The following ANAPC5 variants were observed in gnomAD, a reference collection of about 807,000 sequenced individuals.
The protein encoded by ANAPC5 is anaphase promoting complex subunit 5, also known as anaphase-promoting complex subunit 5.
Under a neutral mutation model 91.3 loss-of-function variants are expected in ANAPC5, and 60 were observed. That is an observed-to-expected ratio of 0.66 (90% CI 0.53 to 0.81). The LOEUF (loss-of-function observed/expected upper bound fraction) is 0.81. Ranked by LOEUF, ANAPC5 falls within the 40% of genes least tolerant of loss-of-function variation. ANAPC5 has a pLI of 0.00. For missense variants in ANAPC5, 690 were observed against 931.5 expected (o/e 0.74, Z 3.37); for synonymous variants, 340 against 364.1 (o/e 0.93, Z 0.75).
In ANAPC5 at chr12:121,318,487, A is replaced by G. The variant is rs1238592655; in HGVS notation, c.1745+14T>C. The G allele has an allele frequency of 6.2e-7, 1 of 1,613,568 alleles. No individual in the cohort carries two copies. The highest frequency in any genetic ancestry group is 1.7e-5 in the Admixed American group (1 of 59,950). The stretch of plus-strand genomic sequence containing the variant: ...ACCACCACATCTCCGTGAGATGTAC[A>G]AGAGACCCCTTACCTGATCACCATT... On this transcript the variant is annotated intron_variant, in intron 14 of 16. Coordinates refer to ENST00000261819, the MANE Select transcript of ANAPC5 (RefSeq NM_016237.5).
intron 4 of ANAPC5, among the ~76,000 whole-genome samples, chr12:121,345,070 G>A (rs988906069): frequency 2.6e-5 from 4 of 152,158 alleles, no homozygotes; most frequent in Non-Finnish European, 5.9e-5. Flanking sequence ...TAGACTCCAG[G>A]GGTAGCAGTG....
In ANAPC5 at chr12:121,320,471, A is replaced by T; in HGVS notation, c.1441-12T>A. ...GCAGCAAAACAGCCCTAAAGTAGAA[A>T]CACACAATTTGATCAGCATAACCTG... is the stretch of plus-strand genomic sequence containing the variant. On this transcript the variant is annotated splice_polypyrimidine_tract_variant and intron_variant, in intron 11 of 16. Transcript: ENST00000261819. 6.2e-7 allele frequency: 1 copy of T among 1,613,052 alleles called. No individual in the cohort carries two copies. The highest frequency in any genetic ancestry group is 1.3e-5 in the African/African-American group (1 of 75,058).
rs1258428325 is a variant in ANAPC5 at position 121,331,412 on chromosome 12, C to T, written c.967G>A (p.Ala323Thr). 1.9e-6 allele frequency: 3 copies of T among 1,609,126 alleles called. No homozygotes were observed. In the African/African-American group the frequency reaches 4.0e-5, roughly 21 times the overall value. The change falls in exon 8 of 17, where the codon GCC becomes ACC. Residue 323 changes from alanine to threonine, a missense_variant. By Grantham distance (58) the Ala-to-Thr change is moderately conservative (BLOSUM62 0). Around this residue, in one of 5 missense-constraint regions of ANAPC5, gnomAD observed 83 missense variants for 150.8 expected, o/e 0.55. Coordinates refer to ENST00000261819, the MANE Select transcript of ANAPC5 (RefSeq NM_016237.5). ...RFGHYQQAELALQEAIRIAQE... is the reference protein window; with the variant it reads ...RFGHYQQAELTLQEAIRIAQE... Reference sequence around the variant, plus strand: ...GCAATCCTAATTGCCTCCTGCAGGGCGAGCTCTGCCTGTTGACTAATGACA... The same window carrying T: ...GCAATCCTAATTGCCTCCTGCAGGGTGAGCTCTGCCTGTTGACTAATGACA...
intron 5 of ANAPC5, among the ~76,000 whole-genome samples, chr12:121,340,881 T>C (rs886887076): frequency 3.3e-5 from 5 of 151,910 alleles, no homozygotes; most frequent in African/African-American, 1.2e-4. Flanking sequence ...TGTCTAGATA[T>C]AAACATTACA....
chr12:121,353,034 CTCTG>C (rs201068408), upstream of ANAPC5, among the ~76,000 whole-genome samples: 2,861 of 152,214 alleles, frequency 0.019, 98 homozygotes, highest in African/African-American at 0.065. Context: ...AGGAGTTTAA[CTCTG>C]TCTTTTTAAA....
chr12:121,323,861 G>T (rs985807074), intron 11 of ANAPC5, among the ~76,000 whole-genome samples: 1 of 152,140 alleles, frequency 6.6e-6, no homozygotes, highest in Non-Finnish European at 1.5e-5. Context: ...CGGGCATGGG[G>T]ATATAGATCC....
intron 13 of ANAPC5, 105 bp from the exon 14 acceptor site, chr12:121,318,713 TG>T (rs1902469492): frequency 9.5e-7 from 1 of 1,052,880 alleles, no homozygotes; most frequent in Non-Finnish European, 1.4e-6. Flanking sequence ...GAAAAAACTG[TG>T]CCTGATTTAA....
At chr12:121,323,852 G>A (rs757483142) in intron 11 of ANAPC5, among the ~76,000 whole-genome samples, 18 of 152,112 alleles carry the variant, frequency 1.2e-4, no homozygotes, top group African/African-American at 3.4e-4. Flanking sequence ...ACAGGGAGTC[G>A]GGCATGGGGA....
chr12:121,350,827 G>A (rs1311963980), intron 1 of ANAPC5, among the ~76,000 whole-genome samples: 7 of 152,162 alleles, frequency 4.6e-5, no homozygotes, highest in African/African-American at 1.7e-4. Context: ...AGCTGGTGGA[G>A]GTTACCGTCT....
chr12:121,327,330 C>T, intron 10 of ANAPC5, 99 bp from the exon 11 acceptor site: 1 of 1,447,850 alleles, frequency 6.9e-7, no homozygotes. Flanking sequence ...TAAAGTCATA[C>T]ACCTCACAGG....
Position 121,326,191 on chromosome 12 carries a change from A to C in ANAPC5, c.1440+905T>G, listed in dbSNP as rs1902810405. On this transcript the variant is annotated intron_variant, in intron 11 of 16. Transcript: ENST00000261819. ...ACTGTAAAATGCTAACATGTTTGCT[A>C]TAGGGAAGTATGTCTAGACTTCTGA... is the stretch of plus-strand genomic sequence containing the variant. 2.0e-5 allele frequency among the ~76,000 whole-genome samples: 3 copies of C among 152,336 alleles called. No homozygotes were observed. In the South Asian group the frequency reaches 6.2e-4, roughly 32 times the overall value.
In ANAPC5 at chr12:121,330,617, T is replaced by G. The variant is rs1903008475; in HGVS notation, c.1088A>C (p.His363Pro). ...AAAATGTACTGCCTTCTTCACAGAA[T>G]GCTCCAGCAGAACATAGCTATCGGA... The part of the protein sequence containing the change: ...KRSDSYVLLE[H>P]SVKKAVHFGL... The change falls in exon 9 of 17, where the codon CAT (histidine) becomes CCT (proline). Residue 363 changes from histidine (H) to proline (P), a missense_variant. By Grantham distance (77) the His-to-Pro change is moderately conservative. Coordinates refer to ENST00000261819, the MANE Select transcript of ANAPC5 (RefSeq NM_016237.5). The G allele has an allele frequency of 1.9e-6, 3 of 1,614,130 alleles. No homozygotes were observed. In the East Asian group the frequency reaches 6.7e-5, roughly 36 times the overall value.
intron 4 of ANAPC5, among the ~76,000 whole-genome samples, chr12:121,343,360 G>A (rs1385509096): frequency 2.0e-5 from 3 of 152,242 alleles, no homozygotes; most frequent in African/African-American, 7.2e-5. Context: ...TCTAGGCACA[G>A]TTCTGAATAC....
chr12:121,341,875 T>A, intron 5 of ANAPC5, 128 bp downstream of exon 5: 3 of 570,854 alleles, frequency 5.3e-6, no homozygotes, highest in Non-Finnish European at 5.9e-6. Context: ...GGACCAAGAG[T>A]AAAGGCTGAC....
chr12:121,349,027 G>A (rs927924472), intron 1 of ANAPC5, among the ~76,000 whole-genome samples: 14 of 152,304 alleles, frequency 9.2e-5, no homozygotes, highest in African/African-American at 3.4e-4. Context: ...CGCCTTGGGA[G>A]GCTGAAGCAG....
At chr12:121,347,259 G>T (rs782136344) in intron 2 of ANAPC5, 17 of 445,280 alleles carry the variant, frequency 3.8e-5, no homozygotes, top group Non-Finnish European at 6.0e-5. Flanking sequence ...TATCTGCAAT[G>T]ACTAAAAAGA....
Position 121,328,365 on chromosome 12 carries a change from C to T in ANAPC5, c.1255G>A (p.Asp419Asn). 1.2e-6 allele frequency: 2 copies of T among 1,613,876 alleles called. No homozygotes were observed. The highest frequency in any genetic ancestry group is 1.7e-6 in the Non-Finnish European group (2 of 1,179,994). The change falls in exon 10 of 17, where the codon GAT (aspartate) becomes AAT (asparagine). Residue 419 changes from aspartate to asparagine, a missense_variant. This residue lies in a region of ANAPC5 where 317 missense variants were observed against 438.7 expected (regional missense o/e 0.72). Transcript: ENST00000261819. Reference protein sequence around the residue: ...HWKHSLSELIDISIAQKTAIW... With the variant: ...HWKHSLSELINISIAQKTAIW... ...GCCGTTTTCTGTGCGATGCTGATAT[C>T]GATGAGCTCTGACAGGCTGTGTTTC...
chr12:121,345,078 G>GTGGCTA (rs1198647508), intron 4 of ANAPC5, among the ~76,000 whole-genome samples: 1 of 152,172 alleles, frequency 6.6e-6, no homozygotes, highest in African/African-American at 2.4e-5. Context: ...AGGGGTAGCA[G>GTGGCTA]TGGCTATGAG....
chr12:121,339,451 G>A (rs1331000856), intron 5 of ANAPC5, among the ~76,000 whole-genome samples: 2 of 151,952 alleles, frequency 1.3e-5, no homozygotes, highest in East Asian at 1.9e-4. Flanking sequence ...GAACACCTTT[G>A]TTATTTGCCT....
Sources: allele counts gnomAD v4.1 joint callset (sites outside exome capture counted in the v4.1 genomes callset), GRCh38; gene constraint gnomAD v4.1.1; regional missense constraint gnomAD v4.1.1; transcripts MANE v1.5; gene names NCBI Gene and HGNC (gene_info 2026-07-23, HGNC 2026-07-21).